Variants in TRPM3 observed in about 807,000 individuals in gnomAD.
The protein encoded by TRPM3 is transient receptor potential cation channel subfamily M member 3.
Under a neutral mutation model 181.2 loss-of-function variants are expected in TRPM3, and 77 were observed. The observed-to-expected ratio is 0.42, with a 90% CI of 0.35 to 0.51. TRPM3 has a LOEUF of 0.51. Among genes scored for constraint, TRPM3 ranks in the 20% least tolerant of loss-of-function variants. TRPM3 has a pLI of 0.01. For missense variants in TRPM3, 1,759 were observed against 2,196.7 expected (o/e 0.80, Z 3.98); for synonymous variants, 745 against 796.4 (o/e 0.94, Z 1.09).
intron 8 of TRPM3, among the ~76,000 whole-genome samples, chr9:70,738,680 C>G (rs1396054558): frequency 6.6e-6 from 1 of 152,004 alleles, no homozygotes; most frequent in East Asian, 1.9e-4. Context: ...TATGAAAGAT[C>G]AATGAAACAA....
chr9:71,404,953 A>C (rs2093409599), intron 1 of TRPM3, among the ~76,000 whole-genome samples: 1 of 152,212 alleles, frequency 6.6e-6, no homozygotes, highest in African/African-American at 2.4e-5. Context: ...TCTTCAACTT[A>C]TCCAGGAAGC....
intron 1 of TRPM3, among the ~76,000 whole-genome samples, chr9:71,349,101 A>C (rs911188326): frequency 2.0e-5 from 3 of 152,328 alleles, no homozygotes; most frequent in Non-Finnish European, 4.4e-5. Context: ...CTAGAAAAGT[A>C]CTACATTCTT....
intron 1 of TRPM3, among the ~76,000 whole-genome samples, chr9:70,898,211 C>T (rs1032090433): frequency 6.6e-6 from 1 of 151,444 alleles, no homozygotes; most frequent in Non-Finnish European, 1.5e-5. Flanking sequence ...CAAGCTCCGC[C>T]TCCCGGGTTC....
At chr9:71,338,076 T>TACAACAACAACA (rs765546837) in intron 1 of TRPM3, among the ~76,000 whole-genome samples, 5 of 148,194 alleles carry the variant, frequency 3.4e-5, no homozygotes, top group East Asian at 4.0e-4. Flanking sequence ...GAACTTAAAG[T>TACAACAACAACA]ACAACAACAA....
intron 1 of TRPM3, among the ~76,000 whole-genome samples, chr9:71,177,334 A>G (rs1018646910): frequency 2.6e-5 from 4 of 152,096 alleles, no homozygotes; most frequent in Admixed American, 1.3e-4. Flanking sequence ...AATGCTCTTG[A>G]ATCATCCCAA....
chr9:71,112,997 A>AAGGC (rs2071479089), intron 1 of TRPM3, among the ~76,000 whole-genome samples: 1 of 152,202 alleles, frequency 6.6e-6, no homozygotes, highest in South Asian at 2.1e-4. Flanking sequence ...ACAAGGTAAG[A>AAGGC]AGGCAGCAAA....
intron 1 of TRPM3, among the ~76,000 whole-genome samples, chr9:70,980,646 C>G (rs577484067): frequency 6.8e-4 from 104 of 152,302 alleles, no homozygotes; most frequent in African/African-American, 2.4e-3. Flanking sequence ...CCTCCTGTTT[C>G]CATCTCTTTT....
chr9:70,841,625 T>TAC (rs1491473790), intron 5 of TRPM3, among the ~76,000 whole-genome samples: 1 of 4,564 alleles, frequency 2.2e-4, no homozygotes, highest in Non-Finnish European at 5.4e-4. Context: ...TATATCCCAC[T>TAC]ATATATATAT....
At chr9:71,326,483 C>G (rs1303584039) in intron 1 of TRPM3, among the ~76,000 whole-genome samples, 1 of 152,200 alleles carries the variant, frequency 6.6e-6, no homozygotes, top group African/African-American at 2.4e-5. Flanking sequence ...TCTCTGCATT[C>G]ATAAGCACCC....
At chr9:70,884,501 G>C (rs533069385) in intron 1 of TRPM3, among the ~76,000 whole-genome samples, 1 of 152,358 alleles carries the variant, frequency 6.6e-6, no homozygotes, top group African/African-American at 2.4e-5. Context: ...ATGGGGCAAA[G>C]TGTGCGTGTG....
At chr9:71,274,626 C>A (rs191197034) in intron 1 of TRPM3, among the ~76,000 whole-genome samples, 210 of 152,298 alleles carry the variant, frequency 1.4e-3, no homozygotes, top group African/African-American at 3.9e-3. Flanking sequence ...ACAGAGAAAG[C>A]CAGCAAATGC....
chr9:71,409,065 T>C (rs1267987283), intron 1 of TRPM3, among the ~76,000 whole-genome samples: 1 of 152,130 alleles, frequency 6.6e-6, no homozygotes, highest in Non-Finnish European at 1.5e-5. Context: ...TGCTGAGCGA[T>C]TTTGTCACCA....
At chr9:70,670,847 G>C (rs1334912470) in intron 9 of TRPM3, among the ~76,000 whole-genome samples, 2 of 152,160 alleles carry the variant, frequency 1.3e-5, no homozygotes, top group East Asian at 3.9e-4. Context: ...AACCATATGG[G>C]AGAGGTTTAA....
intron 1 of TRPM3, among the ~76,000 whole-genome samples, chr9:70,880,744 C>T (rs1296971701): frequency 1.3e-5 from 2 of 152,076 alleles, no homozygotes; most frequent in Admixed American, 6.6e-5. Flanking sequence ...TGATAGCTTC[C>T]TCATGACAGT....
intron 1 of TRPM3, among the ~76,000 whole-genome samples, chr9:71,226,010 A>T (rs13300058): frequency 3.5e-4 from 4 of 11,406 alleles, no homozygotes; most frequent in African/African-American, 8.0e-4. Context: ...AACAAAAGGT[A>T]AAAAAAAAAA....
intron 21 of TRPM3, among the ~76,000 whole-genome samples, chr9:70,591,825 C>A (rs951745699): frequency 2.6e-5 from 4 of 152,204 alleles, no homozygotes; most frequent in African/African-American, 9.7e-5. Context: ...TATTCTACCA[C>A]CAACCAGTCT....
rs569642427 is a variant in TRPM3, at chr9:70,872,584, T to G, written c.178-8073A>C. Among the ~76,000 whole-genome samples the G allele has an allele frequency of 3.3e-5, 5 of 152,074 alleles. No homozygotes were observed. In the South Asian group the frequency reaches 1.0e-3, roughly 32 times the overall value. On this transcript the variant is annotated intron_variant, in intron 1 of 25. Transcript: ENST00000677713. Reference sequence around the variant, plus strand: ...CCTATGCTTCCCCCTATTTTCCTCATAGTCCCTCACATTACCTGCCATTGT... The same window carrying G: ...CCTATGCTTCCCCCTATTTTCCTCAGAGTCCCTCACATTACCTGCCATTGT...
At chr9:70,694,630 GC>G (rs1462384891) in intron 8 of TRPM3, among the ~76,000 whole-genome samples, 1 of 151,982 alleles carries the variant, frequency 6.6e-6, no homozygotes, top group Non-Finnish European at 1.5e-5. Flanking sequence ...ACAGGCACCC[GC>G]CACCACGCCC....
At chr9:71,213,062 A>T (rs2079608416) in intron 1 of TRPM3, among the ~76,000 whole-genome samples, 1 of 152,224 alleles carries the variant, frequency 6.6e-6, no homozygotes, top group African/African-American at 2.4e-5. Flanking sequence ...TCCACAAATC[A>T]GGTGTCCACA....
Sources: allele counts gnomAD v4.1 joint callset (sites outside exome capture counted in the v4.1 genomes callset), GRCh38; gene constraint gnomAD v4.1.1; transcripts MANE v1.5; gene names NCBI Gene and HGNC (gene_info 2026-07-23, HGNC 2026-07-21).